Variants in GRID2 observed in about 807,000 individuals in gnomAD.
GRID2 encodes glutamate ionotropic receptor delta type subunit 2, also known as glutamate receptor ionotropic, delta-2.
GRID2 carries 33 observed loss-of-function variants against 114.8 expected under a neutral mutation model. The ratio of observed to expected loss-of-function variants is 0.29; its 90% CI spans 0.22 to 0.38. The LOEUF (loss-of-function observed/expected upper bound fraction) is 0.38. Among genes scored for constraint, GRID2 ranks in the 10% least tolerant of loss-of-function variants. GRID2 has a pLI of 1.00. For missense variants in GRID2, 1,184 were observed against 1,257.7 expected, an observed-to-expected ratio of 0.94 and a Z score of 0.89; for synonymous variants, 505 against 449.9, an observed-to-expected ratio of 1.12 and a Z score of -1.55.
intron 2 of GRID2, among the ~76,000 whole-genome samples, chr4:92,854,347 T>C (rs1744031087): frequency 6.6e-6 from 1 of 152,078 alleles, no homozygotes; most frequent in Admixed American, 6.6e-5. Context: ...TGTCTTCTTT[T>C]TCCCTTCTCT....
At chr4:92,633,772 A>G (rs1221365360) in intron 2 of GRID2, among the ~76,000 whole-genome samples, 1 of 152,150 alleles carries the variant, frequency 6.6e-6, no homozygotes, top group Non-Finnish European at 1.5e-5. Flanking sequence ...AAAAGCTAAA[A>G]ACAAAATTAC....
At chr4:92,756,982 T>C (rs1245088233) in intron 2 of GRID2, among the ~76,000 whole-genome samples, 1 of 152,144 alleles carries the variant, frequency 6.6e-6, no homozygotes, top group African/African-American at 2.4e-5. Context: ...TGTCTTCGTT[T>C]TGTTTCCTGT....
At chr4:93,008,571 G>GT (rs1560790801) in intron 2 of GRID2, among the ~76,000 whole-genome samples, 1 of 152,004 alleles carries the variant, frequency 6.6e-6, no homozygotes, top group African/African-American at 2.4e-5. Context: ...GTTTTCTTCA[G>GT]TTTTTTTGTT....
At chr4:92,994,821 C>A (rs1328537005) in intron 2 of GRID2, among the ~76,000 whole-genome samples, 1 of 152,142 alleles carries the variant, frequency 6.6e-6, no homozygotes, top group African/African-American at 2.4e-5. Flanking sequence ...CTGGATGCAA[C>A]CAAATCCTGT....
intron 11 of GRID2, among the ~76,000 whole-genome samples, chr4:93,460,868 T>G (rs1723673159): frequency 6.6e-6 from 1 of 152,180 alleles, no homozygotes; most frequent in Non-Finnish European, 1.5e-5. Context: ...ATGTCCCCAC[T>G]GAGTTGTTGT....
At chr4:92,780,104 T>C (rs1738997254) in intron 2 of GRID2, among the ~76,000 whole-genome samples, 2 of 152,244 alleles carry the variant, frequency 1.3e-5, no homozygotes, top group Non-Finnish European at 1.5e-5. Flanking sequence ...TCACAACACA[T>C]AATGCATAAA....
intron 2 of GRID2, among the ~76,000 whole-genome samples, chr4:92,993,358 T>C (rs1755019161): frequency 6.6e-6 from 1 of 152,172 alleles, no homozygotes; most frequent in East Asian, 1.9e-4. Context: ...CAGTATTCTC[T>C]TCCCTTACAT....
intron 2 of GRID2, among the ~76,000 whole-genome samples, chr4:92,997,483 GAC>G (rs1755271844): frequency 6.6e-6 from 1 of 152,142 alleles, no homozygotes; most frequent in African/African-American, 2.4e-5. Context: ...AAAGCAAGGA[GAC>G]ACACATTATT....
At chr4:93,471,551 A>G (rs1724800319) in intron 11 of GRID2, among the ~76,000 whole-genome samples, 1 of 152,008 alleles carries the variant, frequency 6.6e-6, no homozygotes, top group South Asian at 2.1e-4. Flanking sequence ...GGTTATCAGG[A>G]TTTGTTTGCT....
intron 1 of GRID2, among the ~76,000 whole-genome samples, chr4:92,369,049 C>T (rs1345789510): frequency 6.6e-6 from 1 of 151,670 alleles, no homozygotes; most frequent in Non-Finnish European, 1.5e-5. Flanking sequence ...CTGATATAAT[C>T]GCCCTAAAAA....
intron 1 of GRID2, among the ~76,000 whole-genome samples, chr4:92,310,040 T>G (rs776887604): frequency 1.3e-5 from 2 of 151,998 alleles, no homozygotes; most frequent in Non-Finnish European, 2.9e-5. Flanking sequence ...CTAAAAATAA[T>G]GTCAACCATT....
chr4:93,406,107 T>A (rs544159678), intron 9 of GRID2, among the ~76,000 whole-genome samples: 1 of 152,298 alleles, frequency 6.6e-6, no homozygotes, highest in Admixed American at 6.5e-5. Flanking sequence ...AAAATAAGCA[T>A]TGAATCCTTA....
chr4:92,371,886 A>G (rs989059268), intron 1 of GRID2, among the ~76,000 whole-genome samples: 2 of 152,200 alleles, frequency 1.3e-5, no homozygotes, highest in African/African-American at 4.8e-5. Flanking sequence ...GCCACTGAGA[A>G]CATTCATTAT....
At chr4:92,368,422 G>A (rs1048955921) in intron 1 of GRID2, among the ~76,000 whole-genome samples, 3 of 152,016 alleles carry the variant, frequency 2.0e-5, no homozygotes, top group African/African-American at 7.2e-5. Flanking sequence ...GACTCCTTGC[G>A]CTGTCTCATG....
chr4:93,052,685 C>T lies in GRID2; in HGVS notation c.245-32310C>T, dbSNP rs531174588. Among the ~76,000 whole-genome samples, 6 of 151,994 alleles carry T rather than the reference C, an allele frequency of 3.9e-5. No homozygotes were observed. The East Asian group carries it at 1.2e-3, about 30-fold the overall frequency. ...ATGTTAGTGGCATGACTGTATATGG[C>T]AATATACAATGACAATTCTTTTAAT... On this transcript the variant is annotated intron_variant, in intron 2 of 15. Coordinates refer to ENST00000282020, the MANE Select transcript of GRID2 (RefSeq NM_001510.4).
chr4:93,708,229 C>T (rs1343725285), intron 14 of GRID2, among the ~76,000 whole-genome samples: 1 of 151,952 alleles, frequency 6.6e-6, no homozygotes, highest in Non-Finnish European at 1.5e-5. Context: ...TAGTGTGAAA[C>T]ACTAGTCCAG....
intron 2 of GRID2, among the ~76,000 whole-genome samples, chr4:92,955,433 C>T (rs910467160): frequency 2.6e-5 from 4 of 152,074 alleles, no homozygotes; most frequent in African/African-American, 9.7e-5. Flanking sequence ...AGTGTCTGTT[C>T]ATGTCCTTTG....
intron 13 of GRID2, among the ~76,000 whole-genome samples, chr4:93,552,887 G>T (rs1044673367): frequency 7.0e-6 from 1 of 142,634 alleles, no homozygotes; most frequent in African/African-American, 2.6e-5. Flanking sequence ...TATGGTGTTT[G>T]GTTTTCTGTC....
intron 2 of GRID2, among the ~76,000 whole-genome samples, chr4:92,627,563 A>G (rs6851486): frequency 0.011 from 1,611 of 152,160 alleles, 30 homozygotes; most frequent in African/African-American, 0.035. Flanking sequence ...GATTTTTGCT[A>G]ACTTCTTATA....
Sources: gnomAD v4.1 joint callset for allele counts (sites outside exome capture counted in the v4.1 genomes callset) on GRCh38, gnomAD v4.1.1 for gene constraint, MANE v1.5 for transcripts, NCBI Gene and HGNC (gene_info 2026-07-23, HGNC 2026-07-21) for gene names.